The following DCC variants were observed in gnomAD, a reference collection of about 807,000 sequenced individuals.
The protein encoded by DCC is DCC netrin 1 receptor.
In DCC, 58 loss-of-function variants were observed where a neutral mutation model predicts 172.5. The observed-to-expected ratio is 0.34, with a 90% CI of 0.27 to 0.42. The LOEUF is 0.42. DCC is among the 10% of genes least tolerant of loss of function. DCC has a pLI of 1.00. For synonymous variants in DCC, 709 were observed against 644.5 expected (o/e 1.10, Z -1.52); for missense variants, 1,740 against 1,791.0 (o/e 0.97, Z 0.51).
At chr18:53,510,582 T>G (rs2046238937) in intron 27 of DCC, among the ~76,000 whole-genome samples, 1 of 152,196 alleles carries the variant, frequency 6.6e-6, no homozygotes, top group Non-Finnish European at 1.5e-5. Context: ...GAAAGATATT[T>G]GAAGACAGTT....
chr18:52,821,875 A>G (rs1403452035), intron 2 of DCC, among the ~76,000 whole-genome samples: 2 of 152,216 alleles, frequency 1.3e-5, no homozygotes, highest in African/African-American at 2.4e-5. Flanking sequence ...AATCACTTAC[A>G]GAATCATTTA....
At chr18:53,395,080 G>A (rs1049441234) in intron 17 of DCC, among the ~76,000 whole-genome samples, 1 of 151,260 alleles carries the variant, frequency 6.6e-6, no homozygotes, top group Non-Finnish European at 1.5e-5. Context: ...AACCCGAGAG[G>A]CTGAGGTTGC....
intron 15 of DCC, among the ~76,000 whole-genome samples, chr18:53,355,997 C>G (rs2057873956): frequency 6.6e-6 from 1 of 152,040 alleles, no homozygotes; most frequent in South Asian, 2.1e-4. Flanking sequence ...TTCTTTCTCC[C>G]AATATCACTG....
At chr18:53,166,508 T>G (rs1382105053) in intron 8 of DCC, among the ~76,000 whole-genome samples, 2 of 152,148 alleles carry the variant, frequency 1.3e-5, no homozygotes, top group Non-Finnish European at 2.9e-5. Flanking sequence ...ACATTTATCA[T>G]GTGGATAGAC....
intron 2 of DCC, among the ~76,000 whole-genome samples, chr18:52,823,184 T>C (rs983750029): frequency 6.6e-6 from 1 of 152,120 alleles, no homozygotes. Flanking sequence ...ATTTTTGGAC[T>C]CAGGCCAGGC....
chr18:52,634,484 G>A (rs1044102631), intron 1 of DCC, among the ~76,000 whole-genome samples: 1 of 152,094 alleles, frequency 6.6e-6, no homozygotes, highest in Non-Finnish European at 1.5e-5. Flanking sequence ...ATGGGGAAGT[G>A]GGAATGATCT....
At chr18:52,698,949 A>G (rs144724031) in intron 1 of DCC, among the ~76,000 whole-genome samples, 1 of 152,208 alleles carries the variant, frequency 6.6e-6, no homozygotes, top group East Asian at 1.9e-4. Context: ...ATGGCATAGG[A>G]AAGGTAGTGG....
chr18:52,524,469 A>C (rs1390019094), intron 1 of DCC, among the ~76,000 whole-genome samples: 3 of 152,222 alleles, frequency 2.0e-5, no homozygotes, highest in Non-Finnish European at 2.9e-5. Context: ...GTCTCAAATA[A>C]TTTTATGCCA....
chr18:53,103,625 C>T (rs1447256114), intron 7 of DCC, among the ~76,000 whole-genome samples: 1 of 152,074 alleles, frequency 6.6e-6, no homozygotes, highest in Admixed American at 6.6e-5. Flanking sequence ...ATTTGCTTAT[C>T]TAATCCTAAA....
intron 5 of DCC, among the ~76,000 whole-genome samples, chr18:52,998,642 G>A (rs1599013897): frequency 2.0e-5 from 3 of 152,076 alleles, no homozygotes; most frequent in Admixed American, 2.0e-4. Flanking sequence ...ACCAATGTTT[G>A]AGCAACTTTT....
At chr18:52,678,122 C>T (rs1375469097) in intron 1 of DCC, among the ~76,000 whole-genome samples, 1 of 152,132 alleles carries the variant, frequency 6.6e-6, no homozygotes, top group Non-Finnish European at 1.5e-5. Flanking sequence ...TACTGATCAG[C>T]CTTTGCCCTT....
chr18:53,397,550 C>T (rs1159687835), intron 18 of DCC, 104 bp downstream of exon 18: 4 of 1,250,728 alleles, frequency 3.2e-6, no homozygotes, highest in Non-Finnish European at 4.6e-6. Context: ...ATACCTTATC[C>T]TATATAAAAT....
chr18:52,868,089 GTA>G (rs377702873), intron 2 of DCC, among the ~76,000 whole-genome samples: 35 of 149,558 alleles, frequency 2.3e-4, no homozygotes, highest in East Asian at 9.8e-4. Context: ...ATATATGTGT[GTA>G]TATATATATG....
Position 52,774,764 on chromosome 18 carries a change from A to G in DCC, c.412+22390A>G, listed in dbSNP as rs549028072. The stretch of plus-strand genomic sequence containing the variant: ...AGCCTTTGCCTGCTGGGAAAGGTTA[A>G]GGAGAGGTGCCCCTGAACCATGAGT... On this transcript the variant is annotated intron_variant, in intron 2 of 28. Coordinates refer to ENST00000442544, the MANE Select transcript of DCC (RefSeq NM_005215.4). Among the ~76,000 whole-genome samples the G allele has an allele frequency of 1.4e-4, 4 of 28,190 alleles. No homozygotes were observed. The East Asian group carries it at 0.011, about 80-fold the overall frequency. 18.5% of individuals were successfully genotyped at this position (28,190 alleles called of 152,430 possible). A position where few individuals can be genotyped will look rare whatever the true frequency, so the allele number is the denominator to read the frequency against.
intron 3 of DCC, among the ~76,000 whole-genome samples, chr18:52,916,390 T>A (rs1198476037): frequency 2.0e-5 from 3 of 152,170 alleles, no homozygotes; most frequent in Non-Finnish European, 4.4e-5. Flanking sequence ...AAGTTAGAAA[T>A]TTGCAAAACA....
chr18:52,879,486 C>T (rs1054293020), intron 2 of DCC, among the ~76,000 whole-genome samples: 10 of 135,456 alleles, frequency 7.4e-5, no homozygotes, highest in African/African-American at 1.1e-4. Flanking sequence ...TGCAGTGGCA[C>T]GATCTCGGCT....
intron 18 of DCC, among the ~76,000 whole-genome samples, chr18:53,400,245 A>G (rs1034165610): frequency 7.2e-5 from 11 of 152,058 alleles, no homozygotes; most frequent in African/African-American, 1.9e-4. Flanking sequence ...TTGAATTATC[A>G]CATACTAATT....
At chr18:53,022,661 G>A (rs529108432) in intron 5 of DCC, among the ~76,000 whole-genome samples, 18 of 151,912 alleles carry the variant, frequency 1.2e-4, no homozygotes, top group African/African-American at 4.3e-4. Context: ...ATCATAATGT[G>A]TCACTAGTAT....
chr18:53,525,555 A>T (rs2046445452), intron 27 of DCC, among the ~76,000 whole-genome samples: 2 of 152,098 alleles, frequency 1.3e-5, no homozygotes, highest in Admixed American at 6.6e-5. Flanking sequence ...TTGCTGGTTT[A>T]TTAGATTTAT....
Sources: gnomAD v4.1 joint callset for allele counts (sites outside exome capture counted in the v4.1 genomes callset) on GRCh38, gnomAD v4.1.1 for gene constraint, MANE v1.5 for transcripts, NCBI Gene and HGNC (gene_info 2026-07-23, HGNC 2026-07-21) for gene names.